Variants in ZNF37A observed in about 807,000 individuals in gnomAD.
The protein encoded by ZNF37A is zinc finger protein 37a (KOX 21).
A neutral mutation model predicts 12.3 loss-of-function variants in ZNF37A; 10 were observed. The observed-to-expected ratio is 0.82, with a 90% CI of 0.50 to 1.38. The LOEUF is 1.38. ZNF37A is among the 40% of genes most tolerant of loss of function. ZNF37A has a pLI of 0.00. For missense variants in ZNF37A, 580 were observed against 651.2 expected (o/e 0.89, Z 1.19); for synonymous variants, 207 against 223.0 (o/e 0.93, Z 0.64).
intron 1 of ZNF37A, among the ~76,000 whole-genome samples, 153 bp from the exon 2 acceptor site, chr10:38,094,778 C>G (rs2504143): frequency 6.6e-6 from 1 of 152,034 alleles, no homozygotes; most frequent in African/African-American, 2.4e-5. Context: ...GCTGTCCTCA[C>G]AACCACCTGT....
chr10:38,114,078 A>G (rs2069042915), intron 5 of ZNF37A, among the ~76,000 whole-genome samples: 1 of 152,188 alleles, frequency 6.6e-6, no homozygotes, highest in Non-Finnish European at 1.5e-5. Flanking sequence ...AGTAGTTGCT[A>G]AAAATTTTTA....
downstream of ZNF37A, among the ~76,000 whole-genome samples, chr10:38,129,303 C>T (rs1166027180): frequency 1.2e-4 from 5 of 40,918 alleles, no homozygotes; most frequent in South Asian, 8.6e-4. Flanking sequence ...AAGACTCTGT[C>T]TAAAAAAAAA....
chr10:38,132,700 G>A (rs1225518355), intron 7 of ZNF37A, among the ~76,000 whole-genome samples: 1 of 152,038 alleles, frequency 6.6e-6, no homozygotes, highest in East Asian at 1.9e-4. Context: ...ATGTTTTGTA[G>A]ATCAGGTATA....
chr10:38,101,079 A>G (rs541010408), intron 5 of ZNF37A, among the ~76,000 whole-genome samples: 7 of 152,194 alleles, frequency 4.6e-5, no homozygotes, highest in Admixed American at 3.3e-4. Flanking sequence ...TTTTTATATT[A>G]ATTCCTTATC....
rs1410145289 is a variant in ZNF37A at position 38,122,408 on chromosome 10, T to C, written c.*3571T>C. ...CTATCCTGAGCAAAAGGAATCAAAC[T>C]GGAGGAATCATATTACCTGACTTCC... On this transcript the variant is annotated 3_prime_UTR_variant, in exon 8 of 8. Coordinates refer to ENST00000685332, the MANE Select transcript of ZNF37A (RefSeq NM_001324250.3). 12 of 152,256 alleles carry C rather than the reference T, an allele frequency of 7.9e-5. No individual in the cohort carries two copies. In the East Asian group the frequency reaches 2.3e-3, roughly 29 times the overall value. The allele number at this position is 152,256 out of a possible 1,614,324, so 9.4% of individuals were successfully genotyped here.
intron 5 of ZNF37A, among the ~76,000 whole-genome samples, chr10:38,113,205 ATTTTTTT>A (rs71007697): frequency 4.0e-5 from 3 of 75,830 alleles, no homozygotes; most frequent in African/African-American, 5.5e-5. Flanking sequence ...TTAGTCTGTG[ATTTTTTT>A]TTTTTTTTTT....
intron 5 of ZNF37A, among the ~76,000 whole-genome samples, chr10:38,098,873 G>C (rs866151581): frequency 3.1e-4 from 32 of 101,702 alleles, no homozygotes; most frequent in Non-Finnish European, 6.3e-4. Context: ...TTGTTAATTT[G>C]CTTTTTGACT....
At chr10:38,098,824 G>A (rs914134960) in intron 5 of ZNF37A, among the ~76,000 whole-genome samples, 5 of 152,202 alleles carry the variant, frequency 3.3e-5, no homozygotes, top group East Asian at 1.9e-4. Context: ...TGGCCCATAA[G>A]CCTAAAATTT....
At chr10:38,124,802 C>A (rs2069896992), downstream of ZNF37A, 1 of 152,176 alleles carries the variant, frequency 6.6e-6, no homozygotes, top group Non-Finnish European at 1.5e-5. Flanking sequence ...TCAAATTGTT[C>A]TATTAATTAA....
chr10:38,133,638 C>A (rs1477317102), intron 7 of ZNF37A, among the ~76,000 whole-genome samples: 1 of 152,074 alleles, frequency 6.6e-6, no homozygotes, highest in Non-Finnish European at 1.5e-5. Flanking sequence ...CTACAAAGGA[C>A]ATGAACTCAT....
intron 5 of ZNF37A, among the ~76,000 whole-genome samples, chr10:38,111,360 A>G (rs2068635697): frequency 6.6e-6 from 1 of 152,134 alleles, no homozygotes. Flanking sequence ...GAGAGATAGC[A>G]TTAGGAGAAA....
chr10:38,130,669 C>T (rs1413249876), intron 7 of ZNF37A, among the ~76,000 whole-genome samples: 3 of 152,000 alleles, frequency 2.0e-5, no homozygotes, highest in Admixed American at 2.0e-4. Context: ...TGGGTTTCAC[C>T]ATGTTAGCTA....
chr10:38,101,152 T>A (rs903239315), intron 5 of ZNF37A, among the ~76,000 whole-genome samples: 1 of 152,248 alleles, frequency 6.6e-6, no homozygotes, highest in African/African-American at 2.4e-5. Flanking sequence ...CAGTTAACCA[T>A]GCCCTTTGAT....
At chr10:38,103,054 A>C (rs777068658) in intron 5 of ZNF37A, among the ~76,000 whole-genome samples, 24 of 152,134 alleles carry the variant, frequency 1.6e-4, no homozygotes, top group Non-Finnish European at 2.9e-4. Context: ...GTTTCTTTAG[A>C]GTCTTGGACA....
intron 7 of ZNF37A, chr10:38,140,680 A>G (rs920290703): frequency 3.9e-5 from 6 of 152,242 alleles, no homozygotes; most frequent in Non-Finnish European, 8.8e-5. Context: ...AGATACATGC[A>G]TCCCGTAAGC....
At chr10:38,142,630 A>G (rs942329145) in intron 7 of ZNF37A, 2 of 152,200 alleles carry the variant, frequency 1.3e-5, no homozygotes, top group Admixed American at 1.3e-4. Context: ...CTTGAATAAC[A>G]CAGATTCCAC....
chr10:38,129,316 A>ACAAC (rs1554785445), downstream of ZNF37A, among the ~76,000 whole-genome samples: 2 of 142,430 alleles, frequency 1.4e-5, no homozygotes, highest in African/African-American at 5.3e-5. Context: ...AAAAAAAAAA[A>ACAAC]AAAAAACTAT....
downstream of ZNF37A, among the ~76,000 whole-genome samples, chr10:38,125,999 A>T (rs1399086944): frequency 6.6e-6 from 1 of 152,146 alleles, no homozygotes; most frequent in Non-Finnish European, 1.5e-5. Flanking sequence ...GGGAGAATTC[A>T]GTATCAGGAA....
chr10:38,112,777 T>TGGTC lies in ZNF37A; in HGVS notation c.16-1978_16-1977insGGTC, dbSNP rs1270572596. On this transcript the variant is annotated intron_variant, in intron 5 of 7. Coordinates refer to ENST00000685332, the MANE Select transcript of ZNF37A (RefSeq NM_001324250.3). ...TTTCTTTTCTTTTCTTTTCTTTTCT[T>TGGTC]TTCTTTTCTTTTCTTTTCTTGTCTT... 3.2e-5 allele frequency among the ~76,000 whole-genome samples: 2 copies of TGGTC among 62,864 alleles called. 1 individual carries two copies. Among genetic ancestry groups the TGGTC allele is most frequent in the Non-Finnish European group, 7.1e-5 (2 of 28,094 alleles). 41.2% of individuals were successfully genotyped at this position (62,864 alleles called of 152,430 possible). A position where few individuals can be genotyped will look rare whatever the true frequency, so the allele number is the denominator to read the frequency against.
Sources: allele counts gnomAD v4.1 joint callset (sites outside exome capture counted in the v4.1 genomes callset), GRCh38; gene constraint gnomAD v4.1.1; transcripts MANE v1.5; gene names NCBI Gene and HGNC (gene_info 2026-07-23, HGNC 2026-07-21).